PTPRD: variants seen among roughly 807,000 people sequenced by gnomAD.
PTPRD encodes protein tyrosine phosphatase receptor type D, also known as receptor-type tyrosine-protein phosphatase delta.
Under a neutral mutation model 214.5 loss-of-function variants are expected in PTPRD, and 34 were observed. The observed-to-expected ratio is 0.16, with a 90% CI of 0.12 to 0.21. The LOEUF (loss-of-function observed/expected upper bound fraction) is 0.21, where lower values mean the gene tolerates loss of function less well. Ranked by LOEUF, PTPRD falls within the 10% of genes least tolerant of loss-of-function variation. PTPRD has a pLI of 1.00. For synonymous variants in PTPRD, 1,128 were observed against 845.7 expected (o/e 1.33, Z -5.79); for missense variants, 2,545 against 2,398.7 (o/e 1.06, Z -1.27).
Position 9,990,805 on chromosome 9 carries a change from G to C in PTPRD, c.-472+42913C>G, listed in dbSNP as rs114854758. 7.5e-3 allele frequency among the ~76,000 whole-genome samples: 1,138 copies of C among 152,262 alleles called. 19 individuals are homozygous for C. The highest frequency in any genetic ancestry group is 0.026 in the African/African-American group (1,080 of 41,544). On this transcript the variant is annotated intron_variant, in intron 4 of 45. Coordinates refer to ENST00000381196, the MANE Select transcript of PTPRD (RefSeq NM_002839.4). Reference sequence around the variant, plus strand: ...TTATCATGTTACCCTAAATACATTAGAGAGGATGTGCTCACCACATTAGAT... The same window carrying C: ...TTATCATGTTACCCTAAATACATTACAGAGGATGTGCTCACCACATTAGAT...
rs751203177 is a variant in PTPRD at position 8,376,681 on chromosome 9, C to T, written c.4432G>A (p.Gly1478Arg). 6.2e-6 allele frequency: 10 copies of T among 1,612,902 alleles called. No individual in the cohort carries two copies. Among genetic ancestry groups the T allele is most frequent in the Admixed American group, 1.7e-5 (1 of 59,854 alleles). The change falls in exon 38 of 46, where the codon GGA becomes AGA. Residue 1478 changes from glycine to arginine, a missense_variant. By Grantham distance (125) the Gly-to-Arg change is moderately radical (BLOSUM62 -2). Coordinates refer to ENST00000381196, the MANE Select transcript of PTPRD (RefSeq NM_002839.4). ...YWPSRGTETH[G>R]LVQVTLLDTV... Reference sequence around the variant, plus strand: ...TCAAGCAGCGTTACTTGAACGAGTCCGTGGGTTTCTGTGCCTCTGCTAGGC... The same window carrying T: ...TCAAGCAGCGTTACTTGAACGAGTCTGTGGGTTTCTGTGCCTCTGCTAGGC...
rs779817415 is a variant in PTPRD at position 8,913,628 on chromosome 9, G to A, written c.-104+105069C>T. 2.6e-5 allele frequency among the ~76,000 whole-genome samples: 4 copies of A among 152,132 alleles called. No homozygotes were observed. In the East Asian group the frequency reaches 5.8e-4, roughly 22 times the overall value. ...TATTCTGACCTAAATTTAGGAATGCGTTTTGCAAGAATGAGCTTCTTATTA... is the reference window on the plus strand; with the variant it reads ...TATTCTGACCTAAATTTAGGAATGCATTTTGCAAGAATGAGCTTCTTATTA... On this transcript the variant is annotated intron_variant, in intron 11 of 45. Transcript: ENST00000381196.
At chr9:9,700,461 C>T (rs868300318) in intron 7 of PTPRD, among the ~76,000 whole-genome samples, 3 of 152,108 alleles carry the variant, frequency 2.0e-5, no homozygotes, top group Middle Eastern at 6.8e-3. Context: ...GTAAGGCACT[C>T]TACATGGTTT....
chr9:10,005,512 G>A (rs2096455430), intron 4 of PTPRD, among the ~76,000 whole-genome samples: 1 of 151,976 alleles, frequency 6.6e-6, no homozygotes, highest in Non-Finnish European at 1.5e-5. Flanking sequence ...TTTTCAGATA[G>A]CTCAAAAATG....
At chr9:9,185,087 C>T (rs931735419) in intron 9 of PTPRD, among the ~76,000 whole-genome samples, 2 of 152,020 alleles carry the variant, frequency 1.3e-5, no homozygotes, top group African/African-American at 4.8e-5. Flanking sequence ...AAGTAATGGG[C>T]TTGGAAGCTC....
chr9:8,400,966 G>A (rs184279217), intron 36 of PTPRD, among the ~76,000 whole-genome samples: 10 of 152,174 alleles, frequency 6.6e-5, no homozygotes, highest in Middle Eastern at 3.4e-3. Context: ...GCTAGTTAGT[G>A]ACCCAACCTC....
At chr9:8,576,500 C>G (rs1374541386) in intron 14 of PTPRD, among the ~76,000 whole-genome samples, 1 of 151,924 alleles carries the variant, frequency 6.6e-6, no homozygotes, top group Non-Finnish European at 1.5e-5. Flanking sequence ...CCAAAGTAAA[C>G]AAAATTTCTA....
At chr9:9,354,133 G>A (rs1203504760) in intron 9 of PTPRD, among the ~76,000 whole-genome samples, 1 of 151,574 alleles carries the variant, frequency 6.6e-6, no homozygotes, top group Non-Finnish European at 1.5e-5. Flanking sequence ...TCACTTTTAG[G>A]AAGTGCAAGA....
chr9:9,724,027 C>A (rs1213017849), intron 7 of PTPRD, among the ~76,000 whole-genome samples: 2 of 152,104 alleles, frequency 1.3e-5, no homozygotes, highest in African/African-American at 2.4e-5. Context: ...ACCTCCAGTA[C>A]AACGTTGAAT....
intron 9 of PTPRD, among the ~76,000 whole-genome samples, chr9:9,199,058 C>T (rs2099940350): frequency 6.6e-6 from 1 of 152,102 alleles, no homozygotes; most frequent in Non-Finnish European, 1.5e-5. Context: ...CAAGTGTTAT[C>T]TACAAGGCTT....
chr9:8,747,431 G>A (rs2092949211), intron 11 of PTPRD, among the ~76,000 whole-genome samples: 1 of 152,246 alleles, frequency 6.6e-6, no homozygotes, highest in Admixed American at 6.5e-5. Context: ...TATTACTATT[G>A]GCTGTACAGA....
intron 39 of PTPRD, among the ~76,000 whole-genome samples, chr9:8,357,492 A>T (rs1287662679): frequency 6.6e-6 from 1 of 152,174 alleles, no homozygotes; most frequent in Non-Finnish European, 1.5e-5. Flanking sequence ...TGAATTCATC[A>T]AAGAACATAT....
intron 10 of PTPRD, among the ~76,000 whole-genome samples, chr9:9,164,637 C>A (rs2099897999): frequency 6.6e-6 from 1 of 152,140 alleles, no homozygotes; most frequent in Non-Finnish European, 1.5e-5. Context: ...TAGTGCCTAG[C>A]ACAGTGCCTT....
intron 2 of PTPRD, among the ~76,000 whole-genome samples, chr9:10,546,562 A>T (rs2060217469): frequency 1.3e-5 from 2 of 152,010 alleles, no homozygotes; most frequent in South Asian, 4.1e-4. Context: ...AAGTGAGGAA[A>T]GAACAAATAT....
chr9:10,080,873 A>G lies in PTPRD; in HGVS notation c.-544-47083T>C, dbSNP rs1012384909. On this transcript the variant is annotated intron_variant, in intron 3 of 45. Coordinates refer to ENST00000381196, the MANE Select transcript of PTPRD (RefSeq NM_002839.4). ...ATACAGTTATTGGTATGAATATTCT[A>G]AAAACATTACGTAAATATTGGAACA... Among the ~76,000 whole-genome samples the G allele has an allele frequency of 2.6e-4, 39 of 152,126 alleles. 1 individual carries two copies. The highest frequency in any genetic ancestry group is 1.0e-4 in the Non-Finnish European group (7 of 68,020).
intron 5 of PTPRD, among the ~76,000 whole-genome samples, chr9:9,801,964 T>A (rs2099043427): frequency 6.6e-6 from 1 of 152,066 alleles, no homozygotes; most frequent in African/African-American, 2.4e-5. Flanking sequence ...TGGAGTCAGC[T>A]TGGATAATTT....
chr9:9,719,812 C>G (rs2097903648), intron 7 of PTPRD, among the ~76,000 whole-genome samples: 1 of 152,210 alleles, frequency 6.6e-6, no homozygotes, highest in Non-Finnish European at 1.5e-5. Context: ...CTGCATTCCC[C>G]TCATCCGGAC....
chr9:10,394,899 G>A (rs1420361151), intron 2 of PTPRD, among the ~76,000 whole-genome samples: 1 of 150,894 alleles, frequency 6.6e-6, no homozygotes, highest in Non-Finnish European at 1.5e-5. Context: ...GCTGATGAAT[G>A]TGGATTTAAT....
chr9:8,597,993 A>C (rs938170903), intron 14 of PTPRD, among the ~76,000 whole-genome samples: 2 of 152,184 alleles, frequency 1.3e-5, no homozygotes, highest in Admixed American at 1.3e-4. Context: ...ATCTATAAAC[A>C]TCTCTCATTT....
Sources: gnomAD v4.1 joint callset for allele counts (sites outside exome capture counted in the v4.1 genomes callset) on GRCh38, gnomAD v4.1.1 for gene constraint, MANE v1.5 for transcripts, NCBI Gene and HGNC (gene_info 2026-07-23, HGNC 2026-07-21) for gene names.